Variants in SLC23A2 observed in about 807,000 individuals in gnomAD.
SLC23A2 encodes Na(+)/L-ascorbic acid transporter 2.
In SLC23A2, 36 loss-of-function variants were observed where a neutral mutation model predicts 73.3. The ratio of observed to expected loss-of-function variants is 0.49; its 90% CI spans 0.38 to 0.65. The LOEUF is 0.65. Ranked by LOEUF, SLC23A2 falls within the 30% of genes least tolerant of loss-of-function variation. The pLI is 0.00. For missense variants in SLC23A2, 507 were observed against 841.6 expected (o/e 0.60, Z 4.92); for synonymous variants, 343 against 327.3 (o/e 1.05, Z -0.52).
chr20:4,882,604 C>G (rs1055618584), intron 9 of SLC23A2, among the ~76,000 whole-genome samples: 5 of 152,090 alleles, frequency 3.3e-5, no homozygotes, highest in Admixed American at 3.3e-4. Flanking sequence ...CCATGTCCAC[C>G]ACCTGGGTTT....
At chr20:4,974,041 T>A (rs1327845059) in intron 1 of SLC23A2, among the ~76,000 whole-genome samples, 4 of 152,172 alleles carry the variant, frequency 2.6e-5, no homozygotes, top group Admixed American at 2.6e-4. Flanking sequence ...TAAAAAGGGA[T>A]GTTAACTCTT....
chr20:4,902,295 T>C lies in SLC23A2; in HGVS notation c.324+147A>G. ...CTAGGATTACAGGCATCAGCCACTG[T>C]GCTCAGCCCCTACTCATCACTCTTA... On this transcript the variant is annotated intron_variant, in intron 5 of 16. Coordinates refer to ENST00000338244, the MANE Select transcript of SLC23A2 (RefSeq NM_005116.6). The surrounding 1 kb of genome is among the most constrained non-coding windows in gnomAD (Gnocchi z 4.0). The C allele has an allele frequency of 3.8e-6, 2 of 524,152 alleles. No individual in the cohort carries two copies. The highest frequency in any genetic ancestry group is 5.1e-5 in the South Asian group (2 of 38,844). The allele number at this position is 524,152 out of a possible 1,614,324, so 32.5% of individuals were successfully genotyped here.
chr20:4,962,625 G>A (rs1337091460), intron 2 of SLC23A2, among the ~76,000 whole-genome samples: 1 of 152,212 alleles, frequency 6.6e-6, no homozygotes, highest in Admixed American at 6.5e-5. Context: ...CAATGACTGA[G>A]AGATGATGCT....
chr20:5,003,015 G>C (rs2088147998), upstream of SLC23A2, among the ~76,000 whole-genome samples: 1 of 152,180 alleles, frequency 6.6e-6, no homozygotes, highest in East Asian at 1.9e-4. Flanking sequence ...CAGTAAGTAG[G>C]GAAAAGAAAG....
chr20:4,862,832 G>C lies in SLC23A2; in HGVS notation c.1432C>G (p.Leu478Val), dbSNP rs541717561. The change falls in exon 14 of 17, where the codon CTC becomes GTC. Residue 478 changes from leucine (L) to valine (V), a missense_variant. Transcript: ENST00000338244. The surrounding 1 kb of genome is among the most constrained non-coding windows in gnomAD (Gnocchi z 5.1). Reference protein sequence around the residue: ...ALGMIGKFSALFASLPDPVLG... With the variant: ...ALGMIGKFSAVFASLPDPVLG... ...ACAGGATCCGGAAGGGACGCAAAGAGGGCGCTGAACTTCCCGATCATGCCC... is the reference window on the plus strand; with the variant it reads ...ACAGGATCCGGAAGGGACGCAAAGACGGCGCTGAACTTCCCGATCATGCCC... 1.2e-6 allele frequency: 2 copies of C among 1,614,048 alleles called. No homozygotes were observed. Among genetic ancestry groups the C allele is most frequent in the East Asian group, 2.2e-5 (1 of 44,882 alleles).
intron 1 of SLC23A2, among the ~76,000 whole-genome samples, chr20:4,991,144 A>C (rs1204984453): frequency 1.3e-5 from 2 of 151,964 alleles, no homozygotes; most frequent in Non-Finnish European, 2.9e-5. Flanking sequence ...GTCTCCCTCT[A>C]TTGCCCAGGC....
chr20:4,867,650 GA>G, intron 13 of SLC23A2, 119 bp downstream of exon 13: 1 of 429,548 alleles, frequency 2.3e-6, no homozygotes, highest in East Asian at 4.0e-5. Context: ...AAAAAAAAAG[GA>G]GAGAAGTAAT....
At chr20:4,920,593 T>TAC (rs1932470364) in intron 3 of SLC23A2, among the ~76,000 whole-genome samples, 1 of 152,202 alleles carries the variant, frequency 6.6e-6, no homozygotes, top group South Asian at 2.1e-4. Context: ...GGTGTATCTA[T>TAC]ACCATGGATC....
chr20:4,948,758 A>C (rs988970218), intron 2 of SLC23A2, among the ~76,000 whole-genome samples: 4 of 152,244 alleles, frequency 2.6e-5, no homozygotes, highest in African/African-American at 9.6e-5. Context: ...TTCATTAAAA[A>C]TTATATTCAT....
intron 6 of SLC23A2, among the ~76,000 whole-genome samples, chr20:4,893,975 G>A (rs1298071682): frequency 6.6e-6 from 1 of 152,144 alleles, no homozygotes; most frequent in Non-Finnish European, 1.5e-5. Context: ...AAGGGTCAGG[G>A]GTGGGAACTC....
At chr20:4,960,505 A>G (rs988597658) in intron 2 of SLC23A2, among the ~76,000 whole-genome samples, 3 of 152,238 alleles carry the variant, frequency 2.0e-5, no homozygotes, top group Non-Finnish European at 4.4e-5. Flanking sequence ...TTAATCAATG[A>G]AATAAAATAC....
Position 4,916,968 on chromosome 20 carries a change from A to G in SLC23A2, c.109-3990T>C, listed in dbSNP as rs190923099. Reference sequence around the variant, plus strand: ...TGCATTTTAGGGGTGTAACTCTGTCATAAGTCAAGGAACATCTGTATTATA... The same window carrying G: ...TGCATTTTAGGGGTGTAACTCTGTCGTAAGTCAAGGAACATCTGTATTATA... On this transcript the variant is annotated intron_variant, in intron 3 of 16. Coordinates refer to ENST00000338244, the MANE Select transcript of SLC23A2 (RefSeq NM_005116.6). Among the ~76,000 whole-genome samples the G allele has an allele frequency of 1.8e-4, 27 of 152,324 alleles. No homozygotes were observed. The East Asian group carries it at 2.7e-3, about 15-fold the overall frequency.
intron 1 of SLC23A2, among the ~76,000 whole-genome samples, chr20:5,008,622 C>G (rs890702435): frequency 6.6e-6 from 1 of 152,124 alleles, no homozygotes; most frequent in Non-Finnish European, 1.5e-5. Flanking sequence ...AGGGCATTTC[C>G]TCATCCCCCA....
At chr20:4,934,158 C>A (rs1479095839) in intron 2 of SLC23A2, among the ~76,000 whole-genome samples, 1 of 152,292 alleles carries the variant, frequency 6.6e-6, no homozygotes, top group African/African-American at 2.4e-5. Context: ...CATATTCATG[C>A]ACATTTGCAT....
At position 4,870,020 on chromosome 20, in the gene SLC23A2, C is replaced by A; in HGVS notation, c.1136G>T (p.Gly379Val). Residue 379 changes from glycine to valine, a missense_variant, in exon 12 of 17, where the codon GGT becomes GTT. Physicochemically the swap from Gly to Val is moderately radical, Grantham distance 109 (BLOSUM62 -3). This residue lies in a region of SLC23A2 where 217 missense variants were observed against 398.0 expected (regional missense o/e 0.55). Transcript: ENST00000338244. ...CACGGCACTGAGCATGCCGATGACA[C>A]CGGCCGCAGACACGGTGGGCAGTCC... Reference protein sequence around the residue: ...QWGLPTVSAAGVIGMLSAVVA... With the variant: ...QWGLPTVSAAVVIGMLSAVVA... 6.2e-7 allele frequency: 1 copy of A among 1,612,522 alleles called. No individual in the cohort carries two copies. The highest frequency in any genetic ancestry group is 8.5e-7 in the Non-Finnish European group (1 of 1,179,178).
intron 3 of SLC23A2, among the ~76,000 whole-genome samples, chr20:4,924,503 C>T (rs562789394): frequency 5.3e-4 from 80 of 152,350 alleles, no homozygotes; most frequent in African/African-American, 1.9e-3. Flanking sequence ...CCAGCTCCTG[C>T]CTGGCCTCCT....
intron 4 of SLC23A2, among the ~76,000 whole-genome samples, chr20:4,910,245 C>T (rs1171403417): frequency 2.0e-5 from 3 of 152,112 alleles, no homozygotes; most frequent in Non-Finnish European, 2.9e-5. Flanking sequence ...GGTATGATGG[C>T]GTGCGCCTCT....
upstream of SLC23A2, among the ~76,000 whole-genome samples, chr20:5,003,534 C>T (rs1305570982): frequency 6.7e-6 from 1 of 148,814 alleles, no homozygotes; most frequent in South Asian, 2.1e-4. Context: ...TTTTTTAATA[C>T]GATGTGTTTG....
chr20:4,956,969 G>A (rs186310921), intron 2 of SLC23A2, among the ~76,000 whole-genome samples: 8 of 151,886 alleles, frequency 5.3e-5, no homozygotes, highest in East Asian at 1.9e-4. Context: ...CACCATGCCC[G>A]GCTAATTTTA....
Sources: allele counts gnomAD v4.1 joint callset (sites outside exome capture counted in the v4.1 genomes callset), GRCh38; gene constraint gnomAD v4.1.1; regional missense constraint gnomAD v4.1.1; non-coding constraint Gnocchi (gnomAD v3.1); transcripts MANE v1.5; gene names NCBI Gene and HGNC (gene_info 2026-07-23, HGNC 2026-07-21).